Variants in ANO2 observed in about 807,000 individuals in gnomAD.
ANO2 encodes the protein anoctamin 2, also known as anoctamin-2.
Under a neutral mutation model 124.2 loss-of-function variants are expected in ANO2, and 101 were observed. That is an observed-to-expected ratio of 0.81 (90% CI 0.69 to 0.96). ANO2 has a LOEUF of 0.96. ANO2 is among the 40% of genes least tolerant of loss of function. ANO2 has a pLI of 0.00. For missense variants in ANO2, 1,293 were observed against 1,274.5 expected (o/e 1.01, Z -0.22); for synonymous variants, 486 against 482.5 (o/e 1.01, Z -0.09).
intron 19 of ANO2, among the ~76,000 whole-genome samples, chr12:5,607,981 A>T (rs1362625913): frequency 2.7e-5 from 4 of 150,900 alleles, no homozygotes; most frequent in Non-Finnish European, 1.5e-5. Flanking sequence ...ATCACACCCC[A>T]CTCCCCCGGT....
At chr12:5,927,738 T>A (rs559567644) in intron 1 of ANO2, among the ~76,000 whole-genome samples, 2 of 152,230 alleles carry the variant, frequency 1.3e-5, no homozygotes, top group Non-Finnish European at 2.9e-5. Context: ...GCCCACATGC[T>A]GATGGGGCAG....
intron 10 of ANO2, among the ~76,000 whole-genome samples, chr12:5,791,958 A>G (rs888233176): frequency 1.3e-5 from 2 of 152,144 alleles, no homozygotes; most frequent in Non-Finnish European, 2.9e-5. Flanking sequence ...ATTATATTGT[A>G]ATAGAAATAA....
rs56030072 is a variant in ANO2, at chr12:5,854,398, C to CAAAA, written c.535-261_535-258dup. Among the ~76,000 whole-genome samples the CAAAA allele has an allele frequency of 5.9e-3, 445 of 76,034 alleles. 20 individuals are homozygous for CAAAA. The highest frequency in any genetic ancestry group is 0.022 in the African/African-American group (371 of 16,858). The allele number at this position is 76,034 out of a possible 152,430, so 49.9% of individuals were successfully genotyped here. A position where few individuals can be genotyped will look rare whatever the true frequency, so the allele number is the denominator to read the frequency against. On this transcript the variant is annotated intron_variant, in intron 3 of 24. Transcript: ENST00000682330. ...CCCTGGAAGTTTGGTAGCTTCAGAG[C>CAAAA]AAAAAAAAAAAAAAAAAAAAAACAA...
intron 3 of ANO2, among the ~76,000 whole-genome samples, chr12:5,914,070 T>A (rs559237402): frequency 4.6e-5 from 7 of 152,112 alleles, no homozygotes; most frequent in South Asian, 4.2e-4. Flanking sequence ...CATGGTGTTG[T>A]GCACCTGTAA....
At chr12:5,639,749 A>C (rs55745545) in intron 15 of ANO2, among the ~76,000 whole-genome samples, 10,297 of 152,236 alleles carry the variant, frequency 0.068, 468 homozygotes, top group Non-Finnish European at 0.095. Context: ...ACACCTCAGG[A>C]GATGGGAAGC....
chr12:5,799,188 C>T (rs1236830358), intron 10 of ANO2, among the ~76,000 whole-genome samples: 1 of 152,240 alleles, frequency 6.6e-6, no homozygotes, highest in Non-Finnish European at 1.5e-5. Flanking sequence ...TTCTCTAGGA[C>T]AAGACTAAGG....
chr12:5,740,218 C>T (rs938117722), intron 12 of ANO2: 10 of 312,494 alleles, frequency 3.2e-5, no homozygotes, highest in Non-Finnish European at 6.3e-5. Context: ...CCTTTGAAAA[C>T]TGAAACTAAA....
chr12:5,591,315 G>A (rs1943384663), intron 20 of ANO2, among the ~76,000 whole-genome samples: 1 of 152,216 alleles, frequency 6.6e-6, no homozygotes, highest in South Asian at 2.1e-4. Context: ...AAGTGCGGAT[G>A]ATTTTAGGGG....
chr12:5,569,359 G>GA (rs1591639474), intron 23 of ANO2, among the ~76,000 whole-genome samples: 1 of 1,366 alleles, frequency 7.3e-4, no homozygotes, highest in Admixed American at 0.02. Flanking sequence ...TGCCAGCCGT[G>GA]CCCCCAAAGA....
At chr12:5,651,183 CTTCT>C (rs1176265293) in intron 14 of ANO2, among the ~76,000 whole-genome samples, 5 of 152,250 alleles carry the variant, frequency 3.3e-5, no homozygotes, top group African/African-American at 1.2e-4. Context: ...TCTGTGCTAG[CTTCT>C]TTGTCTCAGC....
rs1469096940 is a variant in ANO2 at position 5,701,102 on chromosome 12, T to TTC, written c.1545+31417_1545+31418insGA. 4.2e-4 allele frequency among the ~76,000 whole-genome samples: 62 copies of TTC among 146,436 alleles called. No individual in the cohort carries two copies. In the East Asian group the frequency reaches 0.012, roughly 28 times the overall value. On this transcript the variant is annotated intron_variant, in intron 14 of 24. Transcript: ENST00000682330. ...GTCATTTTCAATTTTTTTTTTTTTT[T>TTC]TTTTTTTTTGAGACGAAGTCTCACT...
At chr12:5,746,227 G>A (rs544054976) in intron 11 of ANO2, among the ~76,000 whole-genome samples, 1 of 152,332 alleles carries the variant, frequency 6.6e-6, no homozygotes, top group Admixed American at 6.5e-5. Flanking sequence ...CGGGTGCAAA[G>A]CACTTTGAAA....
chr12:5,767,977 T>C (rs1487834636), intron 10 of ANO2, among the ~76,000 whole-genome samples: 1 of 152,100 alleles, frequency 6.6e-6, no homozygotes, highest in East Asian at 1.9e-4. Flanking sequence ...CCAGACGCCA[T>C]ATGTGGACTG....
chr12:5,870,890 AG>A (rs1291323925), intron 3 of ANO2, among the ~76,000 whole-genome samples: 5 of 152,220 alleles, frequency 3.3e-5, no homozygotes, highest in Non-Finnish European at 5.9e-5. Context: ...GTGCTATTTC[AG>A]GGGGGCACTA....
At chr12:5,894,069 C>A (rs892127277) in intron 3 of ANO2, among the ~76,000 whole-genome samples, 2 of 152,156 alleles carry the variant, frequency 1.3e-5, no homozygotes, top group African/African-American at 2.4e-5. Context: ...CACACACTGT[C>A]TTCCATAATG....
chr12:5,593,898 GA>G (rs1405186699), intron 20 of ANO2, among the ~76,000 whole-genome samples: 1 of 152,158 alleles, frequency 6.6e-6, no homozygotes, highest in Non-Finnish European at 1.5e-5. Context: ...GCTGCTTGAT[GA>G]ACTTTAATGA....
intron 14 of ANO2, among the ~76,000 whole-genome samples, chr12:5,689,573 A>C (rs1333242628): frequency 6.6e-6 from 1 of 152,116 alleles, no homozygotes; most frequent in Non-Finnish European, 1.5e-5. Context: ...CCAAGCTCTC[A>C]CTGACACTGG....
At chr12:5,597,713 A>C (rs1310908467) in intron 20 of ANO2, among the ~76,000 whole-genome samples, 2 of 152,174 alleles carry the variant, frequency 1.3e-5, no homozygotes, top group African/African-American at 2.4e-5. Flanking sequence ...AACAGATCTC[A>C]GGGGTTCCTA....
At chr12:5,918,475 TG>T (rs1166488582) in intron 3 of ANO2, among the ~76,000 whole-genome samples, 2 of 150,550 alleles carry the variant, frequency 1.3e-5, no homozygotes, top group Non-Finnish European at 3.0e-5. Flanking sequence ...AGTCTCCCTC[TG>T]TCGCCCAGGC....
Sources: allele counts gnomAD v4.1 joint callset (sites outside exome capture counted in the v4.1 genomes callset), GRCh38; gene constraint gnomAD v4.1.1; transcripts MANE v1.5; gene names NCBI Gene and HGNC (gene_info 2026-07-23, HGNC 2026-07-21).